Variants in HMBOX1 observed in about 807,000 individuals in gnomAD.
The protein encoded by HMBOX1 is homeobox-containing protein 1.
Under a neutral mutation model 54.5 loss-of-function variants are expected in HMBOX1, and 14 were observed. The observed-to-expected ratio is 0.26, with a 90% CI of 0.17 to 0.40. The LOEUF (loss-of-function observed/expected upper bound fraction) is 0.40, where lower values mean the gene tolerates loss of function less well. HMBOX1 is among the 10% of genes least tolerant of loss of function. The probability of loss-of-function intolerance (pLI) is 1.00; values close to 1 mark genes in which losing one functional copy is unlikely to be tolerated. For synonymous variants in HMBOX1, 160 were observed against 181.0 expected, an observed-to-expected ratio of 0.88 and a Z score of 0.93; for missense variants, 332 against 514.4, an observed-to-expected ratio of 0.65 and a Z score of 3.43.
chr8:28,904,768 T>C (rs566997095), intron 1 of HMBOX1, among the ~76,000 whole-genome samples: 37 of 152,018 alleles, frequency 2.4e-4, no homozygotes, highest in Admixed American at 1.8e-3. Flanking sequence ...CTCTGCCTCC[T>C]GGGTTCACAC....
chr8:28,983,494 G>A (rs913734105), intron 4 of HMBOX1, among the ~76,000 whole-genome samples: 1 of 152,128 alleles, frequency 6.6e-6, no homozygotes, highest in African/African-American at 2.4e-5. Context: ...TTTAGTCCTT[G>A]CAGACCTCTC....
chr8:28,907,112 T>C (rs1814490152), intron 1 of HMBOX1, among the ~76,000 whole-genome samples: 1 of 152,256 alleles, frequency 6.6e-6, no homozygotes, highest in Non-Finnish European at 1.5e-5. Context: ...ATTTTCCAAA[T>C]GAATCGTCTA....
chr8:28,978,504 T>C (rs900425707), intron 3 of HMBOX1, among the ~76,000 whole-genome samples: 1 of 152,104 alleles, frequency 6.6e-6, no homozygotes, highest in African/African-American at 2.4e-5. Context: ...AGACGTAGGC[T>C]GGGCGCTACT....
chr8:29,048,949 C>T lies in HMBOX1; in HGVS notation c.1031-5C>T, dbSNP rs774952779. On this transcript the variant is annotated splice_polypyrimidine_tract_variant and splice_region_variant and intron_variant, in intron 8 of 9. Transcript: ENST00000287701. ...AATTTAGGGATCTATTTGCTTTTTT[C>T]GAAGAAGCAGCAATCCTGGAGAGTC... 3.2e-5 allele frequency: 50 copies of T among 1,583,902 alleles called. No individual in the cohort carries two copies. The highest frequency in any genetic ancestry group is 2.3e-5 in the Non-Finnish European group (27 of 1,161,494).
At position 28,970,959 on chromosome 8, in the gene HMBOX1, G is replaced by A. The variant is rs2132354112; in HGVS notation, c.500+440G>A. 7.7e-6 allele frequency among the ~76,000 whole-genome samples: 1 copy of A among 129,408 alleles called. No individual in the cohort carries two copies. Among genetic ancestry groups the A allele is most frequent in the East Asian group, 2.5e-4 (1 of 3,954 alleles). The allele number at this position is 129,408 out of a possible 152,430, so 84.9% of individuals were successfully genotyped here. On this transcript the variant is annotated intron_variant, in intron 3 of 9. Transcript: ENST00000287701. The surrounding 1 kb of genome is among the most constrained non-coding windows in gnomAD (Gnocchi z 4.3). ...AATAATTTGGGGTACCTATTATATA[G>A]GTTCTAATTTTAGCAATAGATGACA...
rs569022567 is a variant in HMBOX1, at chr8:28,914,790, A to C, written c.-58+24112A>C. Among the ~76,000 whole-genome samples, 7 of 152,330 alleles carry C rather than the reference A, an allele frequency of 4.6e-5. No homozygotes were observed. In the South Asian group the frequency reaches 1.4e-3, roughly 32 times the overall value. On this transcript the variant is annotated intron_variant, in intron 1 of 9. Coordinates refer to ENST00000287701, the MANE Select transcript of HMBOX1 (RefSeq NM_001135726.3). ...GTTAGAATATATTCTACTTTATTTG[A>C]ACACAGTGTTATACTTGTAATACCT...
At chr8:28,910,131 T>G (rs778073147) in intron 1 of HMBOX1, among the ~76,000 whole-genome samples, 1 of 152,220 alleles carries the variant, frequency 6.6e-6, no homozygotes, top group Non-Finnish European at 1.5e-5. Context: ...GTTTACAGAT[T>G]TGTACTTTCC....
intron 1 of HMBOX1, among the ~76,000 whole-genome samples, chr8:28,913,127 GTAAAA>G (rs1563373704): frequency 6.6e-6 from 1 of 152,100 alleles, no homozygotes; most frequent in African/African-American, 2.4e-5. Context: ...AATGGTTACT[GTAAAA>G]TCTCCTAATG....
intron 1 of HMBOX1, among the ~76,000 whole-genome samples, chr8:28,893,182 T>A (rs1339052508): frequency 1.3e-5 from 2 of 152,174 alleles, no homozygotes; most frequent in Non-Finnish European, 2.9e-5. Flanking sequence ...GTAAACCAAA[T>A]ATATTCCCAG....
At position 28,973,920 on chromosome 8, in the gene HMBOX1, T is replaced by A. The variant is rs116732906; in HGVS notation, c.500+3401T>A. ...ACCTTCGCCTCCCGGGTTAAAGCGA[T>A]TCTCATGTCTCAGTCTCCCTCGTAG... On this transcript the variant is annotated intron_variant, in intron 3 of 9. Transcript: ENST00000287701. 5.8e-3 allele frequency among the ~76,000 whole-genome samples: 856 copies of A among 147,162 alleles called. 4 individuals are homozygous for A. The highest frequency in any genetic ancestry group is 0.021 in the African/African-American group (832 of 40,270).
intron 1 of HMBOX1, among the ~76,000 whole-genome samples, chr8:28,893,353 A>AT (rs1563336292): frequency 6.6e-6 from 1 of 152,178 alleles, no homozygotes; most frequent in Admixed American, 6.5e-5. Flanking sequence ...CCAGCTTACA[A>AT]TTTCATCCCG....
At chr8:28,929,888 A>T (rs1482927743) in intron 1 of HMBOX1, among the ~76,000 whole-genome samples, 2 of 152,234 alleles carry the variant, frequency 1.3e-5, no homozygotes, top group East Asian at 3.9e-4. Flanking sequence ...AATGTTGAAT[A>T]GCCATTGCCT....
intron 9 of HMBOX1, chr8:29,049,268 T>G: frequency 3.9e-6 from 6 of 1,530,402 alleles, no homozygotes; most frequent in Non-Finnish European, 5.3e-6. Flanking sequence ...TTCACCCACA[T>G]GGATTTATTG....
chr8:29,051,569 C>T lies in HMBOX1; in HGVS notation c.*414C>T. On this transcript the variant is annotated 3_prime_UTR_variant, in exon 10 of 10. Transcript: ENST00000287701. ...TTCCCCAAGACTGATAGGATGCAAG[C>T]TGAGGTCGTGGCACAGGAATGACAG... is the stretch of plus-strand genomic sequence containing the variant. 1 of 702,964 alleles carries T rather than the reference C, an allele frequency of 1.4e-6. No individual in the cohort carries two copies. The allele number at this position is 702,964 out of a possible 1,614,324, so 43.5% of individuals were successfully genotyped here.
chr8:29,026,043 T>TACAC (rs35597688), intron 6 of HMBOX1, among the ~76,000 whole-genome samples: 1,814 of 143,566 alleles, frequency 0.013, 21 homozygotes, highest in African/African-American at 0.028. Context: ...TGCTACCATG[T>TACAC]ACACACACAC....
At position 29,009,044 on chromosome 8, in the gene HMBOX1, C is replaced by T. The variant is rs929079884; in HGVS notation, c.587-28C>T. ...TAATTTCACTGTAATTTCAGTGCCC[C>T]CCAAAACCTATTTCTCTTTCTACAT... On this transcript the variant is annotated intron_variant, in intron 4 of 9. Transcript: ENST00000287701. 2.6e-6 allele frequency: 4 copies of T among 1,551,438 alleles called. No individual in the cohort carries two copies. The Admixed American group carries it at 5.1e-5, about 20-fold the overall frequency.
At chr8:28,920,701 A>C (rs1274048082) in intron 1 of HMBOX1, among the ~76,000 whole-genome samples, 1 of 152,178 alleles carries the variant, frequency 6.6e-6, no homozygotes, top group East Asian at 1.9e-4. Flanking sequence ...CCATAATAGA[A>C]ACATGCTCAA....
chr8:29,017,644 CTATT>C (rs1379422854), intron 5 of HMBOX1, among the ~76,000 whole-genome samples: 1 of 152,058 alleles, frequency 6.6e-6, no homozygotes, highest in Non-Finnish European at 1.5e-5. Flanking sequence ...GAGTGGGTAT[CTATT>C]TACTGAGATG....
intron 3 of HMBOX1, among the ~76,000 whole-genome samples, chr8:28,977,676 C>G (rs941440774): frequency 5.3e-5 from 8 of 152,084 alleles, no homozygotes; most frequent in African/African-American, 1.7e-4. Flanking sequence ...CGCGGTGGCT[C>G]ACGCCTGTAA....
Sources: allele counts gnomAD v4.1 joint callset (sites outside exome capture counted in the v4.1 genomes callset), GRCh38; gene constraint gnomAD v4.1.1; non-coding constraint Gnocchi (gnomAD v3.1); transcripts MANE v1.5; gene names NCBI Gene and HGNC (gene_info 2026-07-23, HGNC 2026-07-21).